Variants in RASA2 observed in about 807,000 individuals in gnomAD.
RASA2 encodes the protein ras GTPase-activating protein 2.
RASA2 carries 155 observed loss-of-function variants against 118.2 expected under a neutral mutation model. The ratio of observed to expected loss-of-function variants is 1.31; its 90% CI spans 1.15 to 1.50. The LOEUF is 1.50. RASA2 is among the 40% of genes most tolerant of loss of function. The probability of loss-of-function intolerance (pLI) is 0.00; values close to 1 mark genes in which losing one functional copy is unlikely to be tolerated. For missense variants in RASA2, 1,016 were observed against 1,009.6 expected (o/e 1.01, Z -0.09); for synonymous variants, 353 against 349.1 (o/e 1.01, Z -0.12).
intron 3 of RASA2, among the ~76,000 whole-genome samples, chr3:141,523,838 T>C (rs2151090004): frequency 6.6e-6 from 1 of 152,336 alleles, no homozygotes; most frequent in East Asian, 1.9e-4. Context: ...TATGTCACTA[T>C]CTATCTATGT....
In RASA2 at chr3:141,572,676, G is replaced by GT; in HGVS notation, c.1238dup (p.Gly415ArgfsTer13). The GT allele has an allele frequency of 6.2e-7, 1 of 1,613,558 alleles. No individual in the cohort carries two copies. The highest frequency in any genetic ancestry group is 8.5e-7 in the Non-Finnish European group (1 of 1,179,658). On this transcript the variant is annotated frameshift_variant, in exon 12 of 24. Transcript: ENST00000286364. LOFTEE classifies it high-confidence loss of function. ...ATGTCTGGATGAGATGATGAAAATA[G>GT]TGGGAGGGCACTACCTGAAAGTAAC...
rs753924533 is a variant in RASA2, at chr3:141,574,075, C to T, written c.1483+8C>T. The stretch of plus-strand genomic sequence containing the variant: ...CTACTCAGAGATTTCCTAGTAAGTG[C>T]CTTGTTTTACTAAAACATGCCATTT... On this transcript the variant is annotated splice_region_variant and intron_variant, in intron 14 of 23. Coordinates refer to ENST00000286364, the MANE Select transcript of RASA2 (RefSeq NM_006506.5). 1.5e-5 allele frequency: 22 copies of T among 1,444,040 alleles called. No individual in the cohort carries two copies. The East Asian group carries it at 3.4e-4, about 22-fold the overall frequency. 89.5% of individuals were successfully genotyped at this position (1,444,040 alleles called of 1,614,324 possible). A position where few individuals can be genotyped will look rare whatever the true frequency, so the allele number is the denominator to read the frequency against.
At chr3:141,604,175 C>A (rs1489116406) in intron 19 of RASA2, among the ~76,000 whole-genome samples, 1 of 152,118 alleles carries the variant, frequency 6.6e-6, no homozygotes, top group Non-Finnish European at 1.5e-5. Context: ...CTGATTTCAG[C>A]CATTTAGTAG....
At chr3:141,491,149 C>G (rs181626403) in intron 1 of RASA2, among the ~76,000 whole-genome samples, 2 of 152,200 alleles carry the variant, frequency 1.3e-5, no homozygotes, top group African/African-American at 4.8e-5. Flanking sequence ...GCTTACCTTC[C>G]GCATCTTTTA....
rs146431684 is a variant in RASA2 at position 141,556,365 on chromosome 3, C to T, written c.684+453C>T. On this transcript the variant is annotated intron_variant, in intron 7 of 23. Coordinates refer to ENST00000286364, the MANE Select transcript of RASA2 (RefSeq NM_006506.5). ...GTTTCTTATCCTGTGAAAGAATAAT[C>T]GGAAGGGAAACTAGCAGCACTACCT... is the stretch of plus-strand genomic sequence containing the variant. Among the ~76,000 whole-genome samples the T allele has an allele frequency of 2.3e-3, 349 of 151,684 alleles. 1 individual carries two copies. The highest frequency in any genetic ancestry group is 3.8e-3 in the Non-Finnish European group (257 of 67,756).
At chr3:141,535,710 A>G (rs974070985) in intron 4 of RASA2, among the ~76,000 whole-genome samples, 3 of 152,166 alleles carry the variant, frequency 2.0e-5, no homozygotes, top group African/African-American at 7.2e-5. Flanking sequence ...AGAGGGAGCA[A>G]GAGACAGAAG....
Position 141,588,640 on chromosome 3 carries a change from G to GA in RASA2, c.1933+1894dup, listed in dbSNP as rs537862079. ...AGACTCTTGAATAGTAGAGTGATAA[G>GA]AAAAAATTTTTATTTCATAATTCTT... On this transcript the variant is annotated intron_variant, in intron 19 of 23. Transcript: ENST00000286364. 5.1e-3 allele frequency among the ~76,000 whole-genome samples: 781 copies of GA among 152,152 alleles called. 8 individuals are homozygous for GA. Among genetic ancestry groups the GA allele is most frequent in the African/African-American group, 0.018 (747 of 41,520 alleles).
chr3:141,608,363 A>G, intron 20 of RASA2, 126 bp from the exon 21 acceptor site: 2 of 849,672 alleles, frequency 2.4e-6, no homozygotes, highest in Non-Finnish European at 3.7e-6. Flanking sequence ...AATAATTTCT[A>G]AGACATCTTA....
At chr3:141,511,782 C>T (rs990131517) in intron 1 of RASA2, among the ~76,000 whole-genome samples, 42 of 151,632 alleles carry the variant, frequency 2.8e-4, no homozygotes, top group Admixed American at 7.9e-4. Flanking sequence ...TTCCCATCAT[C>T]GTTTATATGC....
Position 141,577,080 on chromosome 3 carries a change from A to G in RASA2, c.1564A>G (p.Thr522Ala). Residue 522 changes from threonine (T) to alanine (A), a missense_variant, in exon 15 of 24, where the codon ACT (threonine) becomes GCT (alanine). Physicochemically the swap from Thr to Ala is moderately conservative, Grantham distance 58. Around this residue, in one of 2 missense-constraint regions of RASA2, gnomAD observed 896 missense variants for 836.4 expected, o/e 1.07. Transcript: ENST00000286364. ...TGCTGTAGCCGTAGTATCACCTCAT[A>G]CTTTTCATTTGCGACCTCATCATCC... ...FFAVAVVSPHTFHLRPHHPDA... is the reference protein window; with the variant it reads ...FFAVAVVSPHAFHLRPHHPDA... The G allele has an allele frequency of 6.2e-7, 1 of 1,607,636 alleles. No individual in the cohort carries two copies. The highest frequency in any genetic ancestry group is 8.5e-7 in the Non-Finnish European group (1 of 1,175,416).
chr3:141,572,182 C>T (rs1016613359), intron 11 of RASA2, among the ~76,000 whole-genome samples: 14 of 151,730 alleles, frequency 9.2e-5, no homozygotes, highest in African/African-American at 3.4e-4. Context: ...GCTTCTGCCT[C>T]CTAGGTTCAA....
At chr3:141,607,944 C>G (rs2083574023) in intron 20 of RASA2, among the ~76,000 whole-genome samples, 184 bp downstream of exon 20, 1 of 152,110 alleles carries the variant, frequency 6.6e-6, no homozygotes, top group Admixed American at 6.5e-5. Flanking sequence ...TCATAAATAG[C>G]TAGCTGAAAC....
Position 141,541,579 on chromosome 3 carries a change from A to G in RASA2, c.527+970A>G, listed in dbSNP as rs564855637. Among the ~76,000 whole-genome samples, 8 of 152,214 alleles carry G rather than the reference A, an allele frequency of 5.3e-5. No individual in the cohort carries two copies. The South Asian group carries it at 1.5e-3, about 28-fold the overall frequency. ...ATTCAGGAAGTTTAACATTGTTACA[A>G]TACTTTTTAAAAATCTATAGTTATT... is the stretch of plus-strand genomic sequence containing the variant. On this transcript the variant is annotated intron_variant, in intron 5 of 23. Coordinates refer to ENST00000286364, the MANE Select transcript of RASA2 (RefSeq NM_006506.5).
intron 3 of RASA2, chr3:141,525,393 GTCTCAGCT>G (rs1337093016): frequency 6.6e-6 from 1 of 151,980 alleles, no homozygotes; most frequent in African/African-American, 2.4e-5. Context: ...CAGTCCTCCT[GTCTCAGCT>G]TCCCAGGTAC....
chr3:141,602,992 A>G (rs1246265936), intron 19 of RASA2, among the ~76,000 whole-genome samples: 1 of 137,656 alleles, frequency 7.3e-6, no homozygotes, highest in East Asian at 1.9e-4. Context: ...CCAGCCAGTA[A>G]AACTTGTATT....
At chr3:141,579,633 C>G (rs2083070298) in intron 15 of RASA2, 2 of 152,104 alleles carry the variant, frequency 1.3e-5, no homozygotes, top group Non-Finnish European at 1.5e-5. Flanking sequence ...AAATTTGGAA[C>G]ACCTAAAACT....
chr3:141,574,974 CTT>C (rs1169054576), intron 14 of RASA2, among the ~76,000 whole-genome samples: 1 of 152,162 alleles, frequency 6.6e-6, no homozygotes, highest in Admixed American at 6.6e-5. Context: ...TGCTTAGAAA[CTT>C]TTCATAAAAT....
rs1485013854 is a variant in RASA2 at position 141,602,819 on chromosome 3, A to C, written c.1934-4859A>C. Reference sequence around the variant, plus strand: ...TGGATTAGAGAATACATTCAGAGTCACAGCAAATTGACGTCTCCCCAGGCT... The same window carrying C: ...TGGATTAGAGAATACATTCAGAGTCCCAGCAAATTGACGTCTCCCCAGGCT... On this transcript the variant is annotated intron_variant, in intron 19 of 23. Transcript: ENST00000286364. 2.4e-4 allele frequency among the ~76,000 whole-genome samples: 36 copies of C among 152,206 alleles called. 1 individual carries two copies. Among genetic ancestry groups the C allele is most frequent in the Admixed American group, 2.4e-3 (36 of 15,282 alleles).
intron 1 of RASA2, among the ~76,000 whole-genome samples, chr3:141,506,514 A>T (rs1231172873): frequency 6.6e-6 from 1 of 152,216 alleles, no homozygotes; most frequent in Non-Finnish European, 1.5e-5. Context: ...AATTTCTTGA[A>T]TACTTTATTC....
Sources: allele counts gnomAD v4.1 joint callset (sites outside exome capture counted in the v4.1 genomes callset), GRCh38; gene constraint gnomAD v4.1.1; regional missense constraint gnomAD v4.1.1; transcripts MANE v1.5; gene names NCBI Gene and HGNC (gene_info 2026-07-23, HGNC 2026-07-21).